The following FARS2 variants were observed in gnomAD, a reference collection of about 807,000 sequenced individuals.
The protein encoded by FARS2 is phenylalanine--tRNA ligase, mitochondrial.
Under a neutral mutation model 46.4 loss-of-function variants are expected in FARS2, and 40 were observed. That is an observed-to-expected ratio of 0.86 (90% CI 0.67 to 1.12). The LOEUF (loss-of-function observed/expected upper bound fraction) is 1.12. Ranked by LOEUF, FARS2 falls within the 50% of genes most tolerant of loss-of-function variation. FARS2 has a pLI of 0.00. For missense variants in FARS2, 513 were observed against 567.9 expected, an observed-to-expected ratio of 0.90 and a Z score of 0.98; for synonymous variants, 234 against 214.9, an observed-to-expected ratio of 1.09 and a Z score of -0.78.
chr6:5,580,289 CAAAAAAAAA>C (rs35150084), intron 5 of FARS2, among the ~76,000 whole-genome samples: 2 of 105,154 alleles, frequency 1.9e-5, no homozygotes, highest in Non-Finnish European at 3.7e-5. Flanking sequence ...GACTCCGTCT[CAAAAAAAAA>C]AAAAAAAAGA....
chr6:5,654,272 C>G (rs1008702588), intron 6 of FARS2, among the ~76,000 whole-genome samples: 4 of 152,178 alleles, frequency 2.6e-5, no homozygotes, highest in African/African-American at 9.7e-5. Context: ...CTTGCCACAT[C>G]CATGGGTTTC....
rs147295836 is a variant in FARS2 at position 5,559,128 on chromosome 6, G to A, written c.1065+13788G>A. On this transcript the variant is annotated intron_variant, in intron 5 of 6. Coordinates refer to ENST00000274680, the MANE Select transcript of FARS2 (RefSeq NM_006567.5). Reference sequence around the variant, plus strand: ...TTTTAAAGAGTAAAAGTGGTTAGGCGCAGGGGCCTCACTCCTGTAATCCCA... The same window carrying A: ...TTTTAAAGAGTAAAAGTGGTTAGGCACAGGGGCCTCACTCCTGTAATCCCA... Among the ~76,000 whole-genome samples, 290 of 151,590 alleles carry A rather than the reference G, an allele frequency of 1.9e-3. 6 individuals carry two copies. The highest frequency in any genetic ancestry group is 6.7e-3 in the African/African-American group (274 of 40,944).
chr6:5,582,656 ACT>A (rs1773402131), intron 5 of FARS2, among the ~76,000 whole-genome samples: 1 of 152,186 alleles, frequency 6.6e-6, no homozygotes, highest in Non-Finnish European at 1.5e-5. Flanking sequence ...CTACCAGATA[ACT>A]CTAAGTTTGT....
intron 5 of FARS2, among the ~76,000 whole-genome samples, chr6:5,586,961 T>C (rs926759076): frequency 1.3e-5 from 2 of 152,176 alleles, no homozygotes; most frequent in Non-Finnish European, 2.9e-5. Context: ...ATTATCAAAA[T>C]GTGTGGCTAA....
intron 5 of FARS2, among the ~76,000 whole-genome samples, chr6:5,572,353 A>G: frequency 6.6e-6 from 1 of 152,092 alleles, no homozygotes; most frequent in Non-Finnish European, 1.5e-5. Flanking sequence ...AGATCTCACA[A>G]GAATTCACTC....
At chr6:5,752,875 A>ACC (rs552160498) in intron 6 of FARS2, among the ~76,000 whole-genome samples, 5 of 151,096 alleles carry the variant, frequency 3.3e-5, no homozygotes, top group Admixed American at 6.6e-5. Context: ...CCTCCCCAAG[A>ACC]CCCCCCCCAG....
intron 4 of FARS2, among the ~76,000 whole-genome samples, chr6:5,543,237 G>A (rs1210644693): frequency 2.0e-5 from 3 of 152,164 alleles, no homozygotes; most frequent in Non-Finnish European, 4.4e-5. Context: ...AACCGCAGGT[G>A]CTGGTGTTTC....
intron 2 of FARS2, chr6:5,371,116 A>G (rs2432808): frequency 0.2 from 159,588 of 792,064 alleles, 17,579 homozygotes; most frequent in East Asian, 0.49. Flanking sequence ...TTTTCATGAC[A>G]CTCCTTTCTA....
rs5873985 is a variant in FARS2, at chr6:5,449,352, CAAAAAAA to C, written c.904+18188_904+18194del. 3.3e-5 allele frequency among the ~76,000 whole-genome samples: 4 copies of C among 120,888 alleles called. No individual in the cohort carries two copies. The East Asian group carries it at 9.2e-4, about 28-fold the overall frequency. 79.3% of individuals were successfully genotyped at this position (120,888 alleles called of 152,430 possible). A position where few individuals can be genotyped will look rare whatever the true frequency, so the allele number is the denominator to read the frequency against. ...TGACAGAGTGAGTAAGACTCCATCTCAAAAAAAAAAAAAAGAAAAAAAAGAAAAAGAA... is the reference window on the plus strand; with the variant it reads ...TGACAGAGTGAGTAAGACTCCATCTCAAAAAAAGAAAAAAAAGAAAAAGAA... On this transcript the variant is annotated intron_variant, in intron 4 of 6. Coordinates refer to ENST00000274680, the MANE Select transcript of FARS2 (RefSeq NM_006567.5).
intron 3 of FARS2, among the ~76,000 whole-genome samples, chr6:5,413,992 G>T (rs1048698364): frequency 1.3e-5 from 2 of 152,112 alleles, no homozygotes; most frequent in Non-Finnish European, 2.9e-5. Flanking sequence ...TGTTTCATCA[G>T]CTTTAAATAT....
chr6:5,335,555 A>G (rs1771095680), intron 1 of FARS2, among the ~76,000 whole-genome samples: 1 of 152,160 alleles, frequency 6.6e-6, no homozygotes, highest in African/African-American at 2.4e-5. Flanking sequence ...TTTTTTTGGG[A>G]ACAAATATTC....
intron 5 of FARS2, among the ~76,000 whole-genome samples, chr6:5,591,855 T>G (rs1158824171): frequency 6.6e-6 from 1 of 152,226 alleles, no homozygotes; most frequent in Non-Finnish European, 1.5e-5. Flanking sequence ...TAAATTAATT[T>G]AACCCATACT....
chr6:5,503,617 CATT>C (rs1006054835), intron 4 of FARS2, among the ~76,000 whole-genome samples: 4 of 151,894 alleles, frequency 2.6e-5, no homozygotes, highest in Non-Finnish European at 5.9e-5. Flanking sequence ...TTTGTAAAAT[CATT>C]GAGTATAGAA....
intron 2 of FARS2, among the ~76,000 whole-genome samples, chr6:5,380,201 C>T (rs1176828628): frequency 6.6e-6 from 1 of 152,192 alleles, no homozygotes; most frequent in Non-Finnish European, 1.5e-5. Flanking sequence ...AAAGCTTGTG[C>T]TCCTGAACCA....
chr6:5,582,878 G>T (rs756881612), intron 5 of FARS2, among the ~76,000 whole-genome samples: 1 of 152,232 alleles, frequency 6.6e-6, no homozygotes, highest in African/African-American at 2.4e-5. Context: ...CAGGTTCCAT[G>T]ATGGTTGATT....
At chr6:5,428,929 A>G (rs1255238571) in intron 3 of FARS2, among the ~76,000 whole-genome samples, 1 of 152,236 alleles carries the variant, frequency 6.6e-6, no homozygotes, top group Non-Finnish European at 1.5e-5. Context: ...TAGGTGCAAC[A>G]ACACAGGTGA....
At chr6:5,566,181 T>C (rs1443345184) in intron 5 of FARS2, among the ~76,000 whole-genome samples, 2 of 152,190 alleles carry the variant, frequency 1.3e-5, no homozygotes, top group East Asian at 1.9e-4. Context: ...CCAAAGCCAA[T>C]TGGCTTATTT....
At chr6:5,525,612 G>C (rs1439234719) in intron 4 of FARS2, among the ~76,000 whole-genome samples, 1 of 152,206 alleles carries the variant, frequency 6.6e-6, no homozygotes, top group Non-Finnish European at 1.5e-5. Flanking sequence ...GAGTGTCAAT[G>C]AGGGGAACAG....
chr6:5,418,594 A>T (rs1033599968), intron 3 of FARS2, among the ~76,000 whole-genome samples: 4 of 152,200 alleles, frequency 2.6e-5, no homozygotes, highest in Admixed American at 1.3e-4. Flanking sequence ...CCCTGACCTC[A>T]GGTAGATTTT....
Sources: allele counts gnomAD v4.1 joint callset (sites outside exome capture counted in the v4.1 genomes callset), GRCh38; gene constraint gnomAD v4.1.1; transcripts MANE v1.5; gene names NCBI Gene and HGNC (gene_info 2026-07-23, HGNC 2026-07-21).